Variants in TOGARAM1 observed in about 807,000 individuals in gnomAD.
TOGARAM1 encodes TOG array regulator of axonemal microtubules 1.
TOGARAM1 carries 100 observed loss-of-function variants against 166.6 expected under a neutral mutation model. The observed-to-expected ratio is 0.60, with a 90% CI of 0.51 to 0.71. TOGARAM1 has a LOEUF of 0.71. Ranked by LOEUF, TOGARAM1 falls within the 30% of genes least tolerant of loss-of-function variation. The pLI is 0.00. For missense variants in TOGARAM1, 2,029 were observed against 2,102.7 expected (o/e 0.96, Z 0.69); for synonymous variants, 758 against 763.8 (o/e 0.99, Z 0.13).
At chr14:45,026,131 A>G (rs1880824588) in intron 8 of TOGARAM1, among the ~76,000 whole-genome samples, 1 of 152,198 alleles carries the variant, frequency 6.6e-6, no homozygotes, top group South Asian at 2.1e-4. Context: ...AGGTACTTCT[A>G]AGACTATTTT....
Position 45,073,444 on chromosome 14 carries a change from A to T in TOGARAM1, c.5205A>T (p.Ser1735=). 6.2e-7 allele frequency: 1 copy of T among 1,614,194 alleles called. No homozygotes were observed. The highest frequency in any genetic ancestry group is 8.5e-7 in the Non-Finnish European group (1 of 1,180,032). The change falls in exon 20 of 20, where the codon TCA becomes TCT. Residue 1735 remains serine, a synonymous_variant. Coordinates refer to ENST00000361462, the MANE Select transcript of TOGARAM1 (RefSeq NM_001308120.2). ...TACGAACAGCCACAGCTAAATTATC[A>T]AAAGCACTCTTTGCACAGATGGGTC... The part of the protein sequence containing the change: ...GNIRTATAKL[S]KALFAQMGQN...
intron 18 of TOGARAM1, among the ~76,000 whole-genome samples, chr14:45,070,844 T>C (rs1265183425): frequency 2.6e-5 from 4 of 152,250 alleles, no homozygotes; most frequent in Non-Finnish European, 5.9e-5. Context: ...TCTCTGTTTC[T>C]ATTATTATTT....
At position 45,068,661 on chromosome 14, in the gene TOGARAM1, G is replaced by T; in HGVS notation, c.4969+18G>T. 1.3e-6 allele frequency: 2 copies of T among 1,517,778 alleles called. No individual in the cohort carries two copies. The highest frequency in any genetic ancestry group is 2.4e-5 in the East Asian group (1 of 42,258). The allele number at this position is 1,517,778 out of a possible 1,614,324, so 94.0% of individuals were successfully genotyped here. ...GCATGTAGGTAAGAAATCTTACTTC[G>T]GCACTCAAATTATTTTCACTTTCTT... On this transcript the variant is annotated intron_variant, in intron 18 of 19. Transcript: ENST00000361462.
intron 5 of TOGARAM1, chr14:45,007,663 A>G (rs965059382): frequency 2.6e-5 from 4 of 152,158 alleles, no homozygotes; most frequent in African/African-American, 7.2e-5. Flanking sequence ...AGTTGCTAAT[A>G]TGACACTTCC....
rs545876858 is a variant in TOGARAM1 at position 45,018,447 on chromosome 14, T to C, written c.3238+6372T>C. 5.3e-5 allele frequency among the ~76,000 whole-genome samples: 8 copies of C among 152,274 alleles called. No homozygotes were observed. In the East Asian group the frequency reaches 9.7e-4, roughly 18 times the overall value. Reference sequence around the variant, plus strand: ...TCAGTAGAGACAGGGTTTCACCATGTTGGCTAGACTAGTCTCGAACTCCTG... The same window carrying C: ...TCAGTAGAGACAGGGTTTCACCATGCTGGCTAGACTAGTCTCGAACTCCTG... On this transcript the variant is annotated intron_variant, in intron 7 of 19. Coordinates refer to ENST00000361462, the MANE Select transcript of TOGARAM1 (RefSeq NM_001308120.2).
At chr14:45,016,881 T>C (rs906243374) in intron 7 of TOGARAM1, among the ~76,000 whole-genome samples, 10 of 152,112 alleles carry the variant, frequency 6.6e-5, no homozygotes, top group African/African-American at 2.2e-4. Context: ...AGGTTAGAAG[T>C]TGAGATAGGT....
chr14:45,010,207 A>C (rs1260422180), intron 6 of TOGARAM1, among the ~76,000 whole-genome samples: 1 of 152,222 alleles, frequency 6.6e-6, no homozygotes, highest in Non-Finnish European at 1.5e-5. Context: ...CCAGCAGTTC[A>C]TAGAATTAAA....
chr14:45,004,484 G>T, intron 4 of TOGARAM1, 118 bp downstream of exon 4: 1 of 733,166 alleles, frequency 1.4e-6, no homozygotes, highest in Non-Finnish European at 2.2e-6. Context: ...TCTGAATTTA[G>T]TAAATATTTA....
intron 1 of TOGARAM1, among the ~76,000 whole-genome samples, chr14:44,986,971 C>T (rs1160816107): frequency 6.8e-6 from 1 of 147,736 alleles, no homozygotes; most frequent in Non-Finnish European, 1.5e-5. Context: ...CGCCACTGCA[C>T]TCCAGCCTGG....
intron 1 of TOGARAM1, among the ~76,000 whole-genome samples, chr14:44,982,260 T>C (rs1446732589): frequency 6.6e-6 from 1 of 152,208 alleles, no homozygotes; most frequent in Non-Finnish European, 1.5e-5. Context: ...ATTTAGACTT[T>C]TAATTCTGTT....
At chr14:45,053,503 T>C (rs900755875) in intron 15 of TOGARAM1, among the ~76,000 whole-genome samples, 1 of 152,196 alleles carries the variant, frequency 6.6e-6, no homozygotes, top group Non-Finnish European at 1.5e-5. Context: ...TCTATTGTAA[T>C]TTATGTCATT....
At chr14:45,057,739 T>C (rs1882708682) in intron 16 of TOGARAM1, among the ~76,000 whole-genome samples, 1 of 152,222 alleles carries the variant, frequency 6.6e-6, no homozygotes, top group South Asian at 2.1e-4. Context: ...TCCATGTATT[T>C]GTATAGTTCC....
intron 14 of TOGARAM1, among the ~76,000 whole-genome samples, chr14:45,052,235 G>A (rs551577583): frequency 3.3e-5 from 5 of 152,232 alleles, no homozygotes; most frequent in East Asian, 1.9e-4. Flanking sequence ...AAGTCAAACC[G>A]TTGTAAGTCG....
chr14:44,990,405 G>T (rs1887063708), intron 1 of TOGARAM1, among the ~76,000 whole-genome samples: 1 of 152,314 alleles, frequency 6.6e-6, no homozygotes, highest in Non-Finnish European at 1.5e-5. Flanking sequence ...CTTATATGAG[G>T]AAAGTTTAAC....
chr14:45,014,964 C>T (rs767366735), intron 7 of TOGARAM1, among the ~76,000 whole-genome samples: 2 of 152,122 alleles, frequency 1.3e-5, no homozygotes, highest in African/African-American at 2.4e-5. Context: ...CCAGCTACCT[C>T]CTCTTCCTAC....
intron 1 of TOGARAM1, among the ~76,000 whole-genome samples, chr14:44,967,089 T>G (rs1226018189): frequency 6.6e-6 from 1 of 152,220 alleles, no homozygotes; most frequent in African/African-American, 2.4e-5. Context: ...GCAGTGGTAT[T>G]TGAAAACAAA....
chr14:44,964,174 G>C lies in TOGARAM1; in HGVS notation c.1753G>C (p.Gly585Arg), dbSNP rs1467594141. 5.6e-6 allele frequency: 9 copies of C among 1,614,098 alleles called. No individual in the cohort carries two copies. The highest frequency in any genetic ancestry group is 7.6e-6 in the Non-Finnish European group (9 of 1,180,046). Residue 585 changes from glycine to arginine, a missense_variant, in exon 1 of 20, where the codon GGA becomes CGA. Physicochemically the swap from Gly to Arg is moderately radical, Grantham distance 125 (BLOSUM62 -2). Transcript: ENST00000361462. ...RKTLPRLTEQ[G>R]FVEYAVLMPS... is the part of the protein sequence containing the mutation. ...AACCTTACCAAGGCTCACAGAGCAG[G>C]GATTTGTGGAATATGCAGTACTGAT...
At chr14:44,980,745 CTCTT>C (rs1886486498) in intron 1 of TOGARAM1, among the ~76,000 whole-genome samples, 1 of 152,156 alleles carries the variant, frequency 6.6e-6, no homozygotes, top group Non-Finnish European at 1.5e-5. Flanking sequence ...AGATTGGAGA[CTCTT>C]GAATACCATG....
intron 16 of TOGARAM1, among the ~76,000 whole-genome samples, chr14:45,064,086 C>T (rs954832191): frequency 2.0e-5 from 3 of 152,104 alleles, no homozygotes; most frequent in African/African-American, 4.8e-5. Flanking sequence ...GACCCCCACC[C>T]CCCGCTCTGG....
Sources: gnomAD v4.1 joint callset for allele counts (sites outside exome capture counted in the v4.1 genomes callset) on GRCh38, gnomAD v4.1.1 for gene constraint, MANE v1.5 for transcripts, NCBI Gene and HGNC (gene_info 2026-07-23, HGNC 2026-07-21) for gene names.